The following MAML3 variants were observed in gnomAD, a reference collection of about 807,000 sequenced individuals.
MAML3 encodes the protein mastermind like transcriptional coactivator 3, also known as mastermind-like protein 3.
MAML3 carries 27 observed loss-of-function variants against 101.9 expected under a neutral mutation model. That is an observed-to-expected ratio of 0.27 (90% CI 0.20 to 0.37). MAML3 has a LOEUF of 0.37. MAML3 is among the 10% of genes least tolerant of loss of function. MAML3 has a pLI of 1.00. For synonymous variants in MAML3, 501 were observed against 555.9 expected (o/e 0.90, Z 1.39); for missense variants, 1,316 against 1,444.9 (o/e 0.91, Z 1.45).
intron 2 of MAML3, among the ~76,000 whole-genome samples, chr4:139,771,943 T>TAAA (rs11379203): frequency 1.4e-5 from 2 of 138,506 alleles, no homozygotes; most frequent in Admixed American, 7.1e-5. Context: ...CTACTTAAAG[T>TAAA]AAAAAAAAAA....
At chr4:139,824,798 T>A (rs1042002131) in intron 2 of MAML3, among the ~76,000 whole-genome samples, 14 of 152,198 alleles carry the variant, frequency 9.2e-5, no homozygotes, top group African/African-American at 3.4e-4. Context: ...GCTGTGTAAC[T>A]GACGTGTTCG....
chr4:139,775,850 C>A (rs1730086033), intron 2 of MAML3, among the ~76,000 whole-genome samples: 1 of 152,160 alleles, frequency 6.6e-6, no homozygotes, highest in South Asian at 2.1e-4. Context: ...CTTTTACCTT[C>A]AGCTTAGTTT....
At chr4:140,072,539 G>A (rs767455456) in intron 1 of MAML3, among the ~76,000 whole-genome samples, 16 of 151,824 alleles carry the variant, frequency 1.1e-4, no homozygotes, top group East Asian at 1.9e-4. Flanking sequence ...GCATGGTGGC[G>A]CGTGCCTGTA....
chr4:139,873,504 T>C (rs1026208501), intron 2 of MAML3, among the ~76,000 whole-genome samples: 6 of 152,246 alleles, frequency 3.9e-5, no homozygotes, highest in African/African-American at 1.4e-4. Context: ...TCCTGGAGTG[T>C]GGCTGGACTT....
chr4:139,817,294 G>C (rs1056870179), intron 2 of MAML3, among the ~76,000 whole-genome samples: 7 of 152,208 alleles, frequency 4.6e-5, no homozygotes, highest in Non-Finnish European at 8.8e-5. Context: ...ATCTCCATTT[G>C]TTGGCTCAGG....
At chr4:139,807,285 T>TTGTGTGTG (rs35966760) in intron 2 of MAML3, among the ~76,000 whole-genome samples, 3 of 150,856 alleles carry the variant, frequency 2.0e-5, no homozygotes, top group Non-Finnish European at 3.0e-5. Context: ...CGCTATTATT[T>TTGTGTGTG]TGTGTGTGTG....
chr4:139,723,872 G>A (rs1728359913), intron 4 of MAML3, among the ~76,000 whole-genome samples: 1 of 152,142 alleles, frequency 6.6e-6, no homozygotes, highest in South Asian at 2.1e-4. Flanking sequence ...TGTAAAAAAT[G>A]CAGATTCTCA....
At chr4:139,894,206 A>C (rs1732559396) in intron 1 of MAML3, among the ~76,000 whole-genome samples, 1 of 152,152 alleles carries the variant, frequency 6.6e-6, no homozygotes, top group Admixed American at 6.5e-5. Flanking sequence ...TTTCATAAGT[A>C]GATGATTATA....
intron 2 of MAML3, among the ~76,000 whole-genome samples, chr4:139,868,962 T>G (rs1359487067): frequency 6.6e-6 from 1 of 152,226 alleles, no homozygotes; most frequent in Non-Finnish European, 1.5e-5. Flanking sequence ...CCAAATTTCT[T>G]TCTCAATTTT....
intron 1 of MAML3, among the ~76,000 whole-genome samples, chr4:140,027,362 C>A (rs2110886244): frequency 6.6e-6 from 1 of 152,176 alleles, no homozygotes; most frequent in East Asian, 1.9e-4. Flanking sequence ...TAATGCAGCA[C>A]TTCCTTCCCC....
At chr4:139,856,172 C>T (rs372647238) in intron 2 of MAML3, among the ~76,000 whole-genome samples, 3 of 152,202 alleles carry the variant, frequency 2.0e-5, no homozygotes, top group African/African-American at 7.2e-5. Context: ...CACTTGGTAG[C>T]TGTCCAGTAT....
At chr4:140,104,767 C>G (rs1728323459) in intron 1 of MAML3, among the ~76,000 whole-genome samples, 1 of 151,812 alleles carries the variant, frequency 6.6e-6, no homozygotes, top group Admixed American at 6.6e-5. Flanking sequence ...GCTGGGATTA[C>G]AGACATGAGT....
chr4:139,923,669 A>T (rs938191763), intron 1 of MAML3, among the ~76,000 whole-genome samples: 1 of 152,086 alleles, frequency 6.6e-6, no homozygotes, highest in Non-Finnish European at 1.5e-5. Context: ...TGTAAAAACA[A>T]TTTTTAAAGA....
intron 1 of MAML3, among the ~76,000 whole-genome samples, chr4:139,999,941 CT>C (rs1734889997): frequency 1.3e-5 from 2 of 152,306 alleles, no homozygotes; most frequent in South Asian, 4.1e-4. Context: ...GCTTTTCCCC[CT>C]ATTTCTATGA....
chr4:140,094,797 T>C (rs975761248), intron 1 of MAML3, among the ~76,000 whole-genome samples: 3 of 152,242 alleles, frequency 2.0e-5, no homozygotes, highest in Non-Finnish European at 2.9e-5. Flanking sequence ...TCTGTCTGTC[T>C]GTAATGTTTC....
intron 2 of MAML3, among the ~76,000 whole-genome samples, chr4:139,839,174 G>A (rs531512691): frequency 8.1e-4 from 123 of 152,222 alleles, no homozygotes; most frequent in African/African-American, 2.9e-3. Flanking sequence ...AGCAGCCTGT[G>A]AGCCCCACAC....
chr4:139,903,339 A>G (rs1005679849), intron 1 of MAML3, among the ~76,000 whole-genome samples: 3 of 152,216 alleles, frequency 2.0e-5, no homozygotes, highest in African/African-American at 7.2e-5. Context: ...TTGGGGCTGT[A>G]GAATTCCCAA....
Position 139,877,411 on chromosome 4 carries a change from T to G in MAML3, c.2079+11946A>C, listed in dbSNP as rs1179051531. Among the ~76,000 whole-genome samples, 6 of 150,950 alleles carry G rather than the reference T, an allele frequency of 4.0e-5. No homozygotes were observed. The East Asian group carries it at 1.2e-3, about 30-fold the overall frequency. On this transcript the variant is annotated intron_variant, in intron 2 of 4. Coordinates refer to ENST00000509479, the MANE Select transcript of MAML3 (RefSeq NM_018717.5). The stretch of plus-strand genomic sequence containing the variant: ...TATGAATAGTTAATGAACGATGACA[T>G]AATATACTTTAAAGCTTGGAACTGT...
chr4:139,751,714 G>A (rs1729506594), intron 2 of MAML3, among the ~76,000 whole-genome samples: 1 of 152,204 alleles, frequency 6.6e-6, no homozygotes, highest in South Asian at 2.1e-4. Context: ...CAGGGAGCCA[G>A]TGGGTAGACC....
Sources: gnomAD v4.1 joint callset for allele counts (sites outside exome capture counted in the v4.1 genomes callset) on GRCh38, gnomAD v4.1.1 for gene constraint, MANE v1.5 for transcripts, NCBI Gene and HGNC (gene_info 2026-07-23, HGNC 2026-07-21) for gene names.